The following LDLRAD4 variants were observed in gnomAD, a reference collection of about 807,000 sequenced individuals.
The protein encoded by LDLRAD4 is low-density lipoprotein receptor class A domain-containing protein 4.
In LDLRAD4, 5 loss-of-function variants were observed where a neutral mutation model predicts 17.0. The observed-to-expected ratio is 0.29, with a 90% CI of 0.15 to 0.62. LDLRAD4 has a LOEUF of 0.62. Ranked by LOEUF, LDLRAD4 falls within the 20% of genes least tolerant of loss-of-function variation. The pLI, the probability that LDLRAD4 is intolerant of heterozygous loss-of-function variation, is 0.84. For synonymous variants in LDLRAD4, 168 were observed against 171.8 expected, an observed-to-expected ratio of 0.98 and a Z score of 0.17; for missense variants, 340 against 424.7, an observed-to-expected ratio of 0.80 and a Z score of 1.75.
At chr18:13,430,397 A>G (rs1357930958) in intron 2 of LDLRAD4, among the ~76,000 whole-genome samples, 2 of 152,206 alleles carry the variant, frequency 1.3e-5, no homozygotes, top group Non-Finnish European at 2.9e-5. Flanking sequence ...AGCTCGGCAC[A>G]GTTGACTTTC....
chr18:13,322,728 C>G (rs1202124848), intron 1 of LDLRAD4, among the ~76,000 whole-genome samples: 1 of 152,054 alleles, frequency 6.6e-6, no homozygotes, highest in Admixed American at 6.6e-5. Flanking sequence ...AAAAATTCTC[C>G]CACCTCAGCC....
chr18:13,304,853 A>G (rs1375655889), intron 1 of LDLRAD4, among the ~76,000 whole-genome samples: 1 of 152,212 alleles, frequency 6.6e-6, no homozygotes, highest in Admixed American at 6.5e-5. Context: ...AGGGAAGATG[A>G]CACAGCAGAC....
intron 4 of LDLRAD4, among the ~76,000 whole-genome samples, chr18:13,635,822 T>C (rs1424761970): frequency 6.6e-6 from 1 of 152,226 alleles, no homozygotes; most frequent in Non-Finnish European, 1.5e-5. Flanking sequence ...TGGGCAGCCA[T>C]GCTCTCCGGA....
chr18:13,451,246 G>A (rs2091817029), intron 3 of LDLRAD4, among the ~76,000 whole-genome samples: 1 of 152,206 alleles, frequency 6.6e-6, no homozygotes, highest in Admixed American at 6.5e-5. Context: ...CAAATCTCAT[G>A]TTGAGATGTA....
chr18:13,395,338 T>A (rs1008989222), intron 2 of LDLRAD4, among the ~76,000 whole-genome samples: 2 of 147,092 alleles, frequency 1.4e-5, no homozygotes, highest in African/African-American at 5.1e-5. Context: ...TTAATAAATA[T>A]TTAATAGTTG....
chr18:13,225,742 T>A (rs926572678), intron 1 of LDLRAD4, among the ~76,000 whole-genome samples: 1 of 152,222 alleles, frequency 6.6e-6, no homozygotes, highest in Non-Finnish European at 1.5e-5. Context: ...CTGCTAGAGA[T>A]GATTAGTAGG....
chr18:13,611,232 G>C (rs1353397567), intron 3 of LDLRAD4: 7 of 154,902 alleles, frequency 4.5e-5, no homozygotes, highest in Admixed American at 3.9e-4. Flanking sequence ...AACCAACAGA[G>C]TTTAGTTTTG....
chr18:13,361,985 C>T (rs1053091685), intron 1 of LDLRAD4, among the ~76,000 whole-genome samples: 11 of 151,742 alleles, frequency 7.2e-5, no homozygotes, highest in South Asian at 2.1e-4. Flanking sequence ...TTAATAGGAG[C>T]GTACTTGACA....
chr18:13,392,517 T>G (rs1352817356), intron 2 of LDLRAD4, among the ~76,000 whole-genome samples: 2 of 152,186 alleles, frequency 1.3e-5, no homozygotes, highest in African/African-American at 4.8e-5. Flanking sequence ...CAGGGACCCT[T>G]CCGGGCTGGG....
chr18:13,440,011 G>A lies in LDLRAD4; in HGVS notation c.181+1627G>A, dbSNP rs576121078. On this transcript the variant is annotated intron_variant, in intron 3 of 5. Transcript: ENST00000359446. This position sits in a 1 kb window ranked among gnomAD's most constrained non-coding sequence, Gnocchi z 4.4. ...AAGCACTCAAGATTACCTCAACCCA[G>A]GCTTGGGGTCTTAGAAGGAGGTGAG... Among the ~76,000 whole-genome samples the A allele has an allele frequency of 6.6e-6, 1 of 152,218 alleles. No individual in the cohort carries two copies. Among genetic ancestry groups the A allele is most frequent in the Admixed American group, 6.5e-5 (1 of 15,288 alleles).
intron 3 of LDLRAD4, 143 bp from the exon 5 acceptor site, chr18:13,620,974 C>T (rs1472546864): frequency 8.5e-6 from 10 of 1,177,968 alleles, no homozygotes; most frequent in Middle Eastern, 2.3e-4. Context: ...GTGGGACAGT[C>T]GTTTCTGTGT....
chr18:13,443,273 A>G (rs2091150941), intron 3 of LDLRAD4, among the ~76,000 whole-genome samples: 1 of 152,156 alleles, frequency 6.6e-6, no homozygotes, highest in African/African-American at 2.4e-5. Context: ...CTGGCATCCT[A>G]CTTGTCACCT....
At chr18:13,640,075 A>G (rs1362348894) in intron 4 of LDLRAD4, among the ~76,000 whole-genome samples, 3 of 152,164 alleles carry the variant, frequency 2.0e-5, no homozygotes. Context: ...TCACAAGGTC[A>G]GGAGATCGAG....
intron 1 of LDLRAD4, among the ~76,000 whole-genome samples, chr18:13,269,662 C>T (rs893478824): frequency 3.9e-5 from 6 of 152,012 alleles, no homozygotes; most frequent in African/African-American, 2.4e-5. Context: ...GCGAGCTGTC[C>T]GACGTCATGT....
intron 1 of LDLRAD4, among the ~76,000 whole-genome samples, chr18:13,256,388 G>A (rs1448524357): frequency 6.6e-6 from 1 of 152,192 alleles, no homozygotes; most frequent in Non-Finnish European, 1.5e-5. Context: ...TCAGCTGCAT[G>A]GGCACAGGTT....
chr18:13,269,558 T>G (rs2044404556), intron 1 of LDLRAD4, among the ~76,000 whole-genome samples: 1 of 151,774 alleles, frequency 6.6e-6, no homozygotes, highest in African/African-American at 2.4e-5. Flanking sequence ...CCGGGGTAGA[T>G]GATCTTTTTT....
intron 3 of LDLRAD4, among the ~76,000 whole-genome samples, chr18:13,511,368 C>A (rs182205224): frequency 2.0e-5 from 3 of 152,028 alleles, no homozygotes; most frequent in African/African-American, 7.2e-5. Context: ...AAAAATTAGC[C>A]GGGCATGGTC....
At chr18:13,445,942 CATTT>C (rs1336462842) in intron 3 of LDLRAD4, among the ~76,000 whole-genome samples, 3 of 152,130 alleles carry the variant, frequency 2.0e-5, no homozygotes, top group Non-Finnish European at 4.4e-5. Flanking sequence ...TCGATTTTCT[CATTT>C]ATAAAATGAG....
chr18:13,311,396 G>A (rs1031180955), intron 1 of LDLRAD4, among the ~76,000 whole-genome samples: 6 of 152,214 alleles, frequency 3.9e-5, no homozygotes, highest in African/African-American at 1.4e-4. Flanking sequence ...CGGGTGGCAG[G>A]AAGCTCTGAT....
Sources: allele counts gnomAD v4.1 joint callset (sites outside exome capture counted in the v4.1 genomes callset), GRCh38; gene constraint gnomAD v4.1.1; non-coding constraint Gnocchi (gnomAD v3.1); transcripts MANE v1.5; gene names NCBI Gene and HGNC (gene_info 2026-07-23, HGNC 2026-07-21).